Variants in GPHN observed in about 807,000 individuals in gnomAD.
The protein encoded by GPHN is gephyrin.
GPHN carries 17 observed loss-of-function variants against 95.5 expected under a neutral mutation model. The ratio of observed to expected loss-of-function variants is 0.18; its 90% CI spans 0.12 to 0.27. The LOEUF (loss-of-function observed/expected upper bound fraction) is 0.27. GPHN is among the 10% of genes least tolerant of loss of function. The pLI, the probability that GPHN is intolerant of heterozygous loss-of-function variation, is 1.00. For synonymous variants in GPHN, 320 were observed against 322.5 expected (o/e 0.99, Z 0.08); for missense variants, 660 against 978.1 (o/e 0.67, Z 4.34).
the GPHN span, chr14:67,678,532 T>C: frequency 1.5e-6 from 1 of 674,278 alleles, no homozygotes; most frequent in South Asian, 1.7e-5. Context: ...ATGTTCTCCA[T>C]GTACTTCACA....
the GPHN span, among the ~76,000 whole-genome samples, chr14:67,525,325 A>C: frequency 6.6e-6 from 1 of 152,328 alleles, no homozygotes; most frequent in South Asian, 2.1e-4. Context: ...TTAAGTAATG[A>C]ATATCTTTCC....
the GPHN span, chr14:67,381,837 A>C: frequency 1.2e-5 from 7 of 560,950 alleles, no homozygotes; most frequent in East Asian, 2.0e-4. Context: ...GTTCTTGGTA[A>C]TATTTCTAGA....
chr14:67,560,180 A>C, the GPHN span, among the ~76,000 whole-genome samples: 12 of 151,998 alleles, frequency 7.9e-5, no homozygotes. Flanking sequence ...GGCACGCACC[A>C]CCATGCCCAG....
chr14:66,792,998 T>A lies in GPHN; in HGVS notation c.201+16477T>A, dbSNP rs368427093. Among the ~76,000 whole-genome samples, 88 of 152,390 alleles carry A rather than the reference T, an allele frequency of 5.8e-4. 2 individuals carry two copies. Among genetic ancestry groups the A allele is most frequent in the African/African-American group, 2.0e-3 (85 of 41,602 alleles). On this transcript the variant is annotated intron_variant, in intron 3 of 22. Transcript: ENST00000478722. Reference sequence around the variant, plus strand: ...GGCACAGATCGCTCATGCTATTGTTTGTGGTTTAAGAATGCCTTTAAGCGG... The same window carrying A: ...GGCACAGATCGCTCATGCTATTGTTAGTGGTTTAAGAATGCCTTTAAGCGG...
intron 9 of GPHN, among the ~76,000 whole-genome samples, chr14:67,004,704 A>G (rs1406027172): frequency 6.6e-6 from 1 of 151,852 alleles, no homozygotes; most frequent in African/African-American, 2.4e-5. Flanking sequence ...AGAATTTGGT[A>G]AAGGCAGATT....
chr14:67,661,127 C>T, the GPHN span, among the ~76,000 whole-genome samples: 1 of 151,968 alleles, frequency 6.6e-6, no homozygotes, highest in African/African-American at 2.4e-5. Flanking sequence ...AGAATTTTTT[C>T]TCCATCTGCT....
chr14:67,186,860 C>G, the GPHN span, among the ~76,000 whole-genome samples: 1 of 152,164 alleles, frequency 6.6e-6, no homozygotes, highest in African/African-American at 2.4e-5. Context: ...TGCCGTGGTG[C>G]ATTTGCAGCC....
intron 2 of GPHN, among the ~76,000 whole-genome samples, chr14:66,743,387 C>T (rs1045958959): frequency 1.3e-5 from 2 of 152,138 alleles, no homozygotes; most frequent in Admixed American, 6.5e-5. Context: ...GTATATCCAG[C>T]AAACTCCCTT....
chr14:66,559,779 A>G (rs912680534), intron 1 of GPHN, among the ~76,000 whole-genome samples: 2 of 151,646 alleles, frequency 1.3e-5, no homozygotes, highest in Admixed American at 1.3e-4. Context: ...TTTTGTTGCC[A>G]TTGCTTTTGG....
chr14:67,542,875 T>C, the GPHN span, among the ~76,000 whole-genome samples: 1 of 151,974 alleles, frequency 6.6e-6, no homozygotes, highest in African/African-American at 2.4e-5. Flanking sequence ...TAATTTTGTG[T>C]TATTAGTAGA....
rs1386727570 is a variant in GPHN, at chr14:66,835,861, A to C, written c.294+11295A>C. Among the ~76,000 whole-genome samples the C allele has an allele frequency of 4.0e-5, 6 of 151,824 alleles. No homozygotes were observed. The East Asian group carries it at 1.2e-3, about 29-fold the overall frequency. ...TTCACAATTGCTTCAAACAGAATAAAATACCTAGGAATCCAACTTACAAGG... is the reference window on the plus strand; with the variant it reads ...TTCACAATTGCTTCAAACAGAATAACATACCTAGGAATCCAACTTACAAGG... On this transcript the variant is annotated intron_variant, in intron 4 of 22. Transcript: ENST00000478722.
At chr14:67,255,570 C>A in the GPHN span, among the ~76,000 whole-genome samples, 8 of 152,150 alleles carry the variant, frequency 5.3e-5, no homozygotes, top group Non-Finnish European at 1.2e-4. Context: ...TTTAGAAATT[C>A]TTATTTTATT....
chr14:66,521,544 A>G (rs1287744197), intron 1 of GPHN, among the ~76,000 whole-genome samples: 1 of 152,198 alleles, frequency 6.6e-6, no homozygotes, highest in Non-Finnish European at 1.5e-5. Flanking sequence ...CCGGGAAGTC[A>G]AAGATCAAGG....
chr14:67,461,217 A>T, the GPHN span, among the ~76,000 whole-genome samples: 2 of 152,192 alleles, frequency 1.3e-5, no homozygotes, highest in African/African-American at 4.8e-5. Context: ...AGCACTCTAC[A>T]GTCATTGCCT....
chr14:67,692,328 G>T, the GPHN span: 2 of 1,149,430 alleles, frequency 1.7e-6, no homozygotes, highest in African/African-American at 1.6e-5. Context: ...GAAGTTTTTG[G>T]CTATATTTTA....
the GPHN span, among the ~76,000 whole-genome samples, chr14:67,201,899 C>T: frequency 3.9e-5 from 6 of 152,174 alleles, no homozygotes; most frequent in African/African-American, 1.4e-4. Context: ...TCTTCTTCTA[C>T]CAAGTGGCAG....
At chr14:66,630,523 G>A (rs2063751373) in intron 1 of GPHN, among the ~76,000 whole-genome samples, 1 of 152,024 alleles carries the variant, frequency 6.6e-6, no homozygotes, top group South Asian at 2.1e-4. Flanking sequence ...CCAGGCTGTG[G>A]TGCAGTGGCG....
At chr14:66,893,006 A>T (rs2064605865) in intron 5 of GPHN, among the ~76,000 whole-genome samples, 1 of 152,206 alleles carries the variant, frequency 6.6e-6, no homozygotes, top group South Asian at 2.1e-4. Context: ...CCCAACTTCC[A>T]GACTCCAGTA....
intron 1 of GPHN, among the ~76,000 whole-genome samples, chr14:66,585,770 C>G (rs928281258): frequency 6.6e-6 from 1 of 152,104 alleles, no homozygotes; most frequent in Non-Finnish European, 1.5e-5. Context: ...GTTATAATTT[C>G]TGTTCTTTTA....
Sources: allele counts gnomAD v4.1 joint callset (sites outside exome capture counted in the v4.1 genomes callset), GRCh38; gene constraint gnomAD v4.1.1; transcripts MANE v1.5; gene names NCBI Gene and HGNC (gene_info 2026-07-23, HGNC 2026-07-21).